Variants in ITIH5 observed in about 807,000 individuals in gnomAD.
ITIH5 encodes the protein inter-alpha-trypsin inhibitor heavy chain H5.
In ITIH5, 65 loss-of-function variants were observed where a neutral mutation model predicts 77.5. The ratio of observed to expected loss-of-function variants is 0.84; its 90% CI spans 0.69 to 1.03. ITIH5 has a LOEUF of 1.03. Ranked by LOEUF, ITIH5 falls within the 50% of genes least tolerant of loss-of-function variation. The probability of loss-of-function intolerance (pLI) is 0.00; values close to 1 mark genes in which losing one functional copy is unlikely to be tolerated. For missense variants in ITIH5, 1,208 were observed against 1,213.1 expected (o/e 1.00, Z 0.06); for synonymous variants, 525 against 494.3 (o/e 1.06, Z -0.82).
chr10:7,587,869 C>A (rs1832714158), intron 7 of ITIH5, among the ~76,000 whole-genome samples: 1 of 152,202 alleles, frequency 6.6e-6, no homozygotes, highest in Admixed American at 6.5e-5. Flanking sequence ...GCCTTTCCTC[C>A]TTCCCCAGGT....
Position 7,642,117 on chromosome 10 carries a change from A to G in ITIH5, c.136-27T>C, listed in dbSNP as rs541490197. 140 of 1,588,622 alleles carry G rather than the reference A, an allele frequency of 8.8e-5. No homozygotes were observed. The South Asian group carries it at 1.5e-3, about 17-fold the overall frequency. ...TGTAGGAATGAAAACACACAGTATC[A>G]TCGGTGATGCATGAAAGCATTTTGG... On this transcript the variant is annotated intron_variant, in intron 2 of 13. Transcript: ENST00000397146.
chr10:7,666,817 G>T lies in ITIH5; in HGVS notation c.76C>A (p.His26Asn). Reference protein sequence around the residue: ...GSQEEAQSWGHSSEQDGLRVP... With the variant: ...GSQEEAQSWGNSSEQDGLRVP... ...GCTCCACTTACCTGCTCCGAAGAGT[G>T]GCCCCAGCTCTGCGCCTCTTCCTGC... is the stretch of plus-strand genomic sequence containing the variant. The change falls in exon 1 of 14, where the codon CAC (histidine) becomes AAC (asparagine). Residue 26 changes from histidine to asparagine, a missense_variant. Coordinates refer to ENST00000397146, the MANE Select transcript of ITIH5 (RefSeq NM_030569.7). The T allele has an allele frequency of 6.2e-7, 1 of 1,607,968 alleles. No homozygotes were observed.
chr10:7,584,457 C>G (rs1031156344), intron 8 of ITIH5, among the ~76,000 whole-genome samples: 1 of 152,050 alleles, frequency 6.6e-6, no homozygotes, highest in African/African-American at 2.4e-5. Context: ...GCACCCGCCA[C>G]CACACCCGGC....
At position 7,627,330 on chromosome 10, in the gene ITIH5, T is replaced by TA. The variant is rs55799504; in HGVS notation, c.652+9897dup. On this transcript the variant is annotated intron_variant, in intron 5 of 13. Coordinates refer to ENST00000397146, the MANE Select transcript of ITIH5 (RefSeq NM_030569.7). ...AAAAAAAGAAAATAAGAAGATAAAGTAAAAAAAAAAAAAAAAAAAATTAAA... is the reference window on the plus strand; with the variant it reads ...AAAAAAAGAAAATAAGAAGATAAAGTAAAAAAAAAAAAAAAAAAAAATTAAA... Among the ~76,000 whole-genome samples the TA allele has an allele frequency of 2.4e-3, 316 of 132,110 alleles. 1 individual carries two copies. Among genetic ancestry groups the TA allele is most frequent in the Middle Eastern group, 0.018 (5 of 272 alleles). 86.7% of individuals were successfully genotyped at this position (132,110 alleles called of 152,430 possible). A position where few individuals can be genotyped will look rare whatever the true frequency, so the allele number is the denominator to read the frequency against.
intron 10 of ITIH5, 44 bp from the exon 11 acceptor site, chr10:7,573,239 A>T (rs763804061): frequency 3.0e-5 from 46 of 1,544,808 alleles, no homozygotes; most frequent in Non-Finnish European, 4.0e-5. Flanking sequence ...TTCCTTAAAG[A>T]AGATGAAGAG....
chr10:7,588,302 T>C (rs996549279), intron 7 of ITIH5, among the ~76,000 whole-genome samples: 4 of 152,100 alleles, frequency 2.6e-5, no homozygotes, highest in African/African-American at 9.7e-5. Context: ...GTAGATCACT[T>C]GAGGTGAGGA....
rs775174445 is a variant in ITIH5 at position 7,576,448 on chromosome 10, C to T, written c.1978+5G>A. 4.2e-5 allele frequency: 66 copies of T among 1,567,820 alleles called. 2 individuals carry two copies. In the Admixed American group the frequency reaches 7.1e-4, roughly 17 times the overall value. On this transcript the variant is annotated splice_donor_5th_base_variant and intron_variant, in intron 10 of 13. Transcript: ENST00000397146. ...CCACACCTGGCTGGCACAGGTGCCT[C>T]GTACCTGGCTGCGTGCCAGCTCCTC...
intron 7 of ITIH5, among the ~76,000 whole-genome samples, chr10:7,599,141 A>G (rs902367282): frequency 1.3e-5 from 2 of 152,226 alleles, no homozygotes; most frequent in African/African-American, 4.8e-5. Context: ...TGATGTGTAA[A>G]TAACTCAGGG....
chr10:7,643,155 T>C (rs1213787194), intron 2 of ITIH5, among the ~76,000 whole-genome samples: 2 of 152,158 alleles, frequency 1.3e-5, no homozygotes, highest in Non-Finnish European at 2.9e-5. Context: ...TGGGCACACA[T>C]TGAGAAGGCA....
intron 1 of ITIH5, among the ~76,000 whole-genome samples, chr10:7,657,678 T>C (rs887268314): frequency 2.0e-5 from 3 of 152,304 alleles, no homozygotes; most frequent in African/African-American, 4.8e-5. Flanking sequence ...GACTTCGAGG[T>C]TGTTCTCCAA....
At chr10:7,581,116 C>T (rs955116162) in intron 8 of ITIH5, among the ~76,000 whole-genome samples, 8 of 152,168 alleles carry the variant, frequency 5.3e-5, no homozygotes, top group South Asian at 2.1e-4. Flanking sequence ...AAAAATTAGC[C>T]GGGCATGGTG....
chr10:7,603,800 G>A (rs984800859), intron 7 of ITIH5, among the ~76,000 whole-genome samples: 3 of 152,090 alleles, frequency 2.0e-5, no homozygotes, highest in African/African-American at 7.2e-5. Context: ...AGCCAGGATG[G>A]TCCCGATCTC....
At chr10:7,608,257 C>A (rs1833171566) in intron 7 of ITIH5, among the ~76,000 whole-genome samples, 1 of 152,160 alleles carries the variant, frequency 6.6e-6, no homozygotes, top group African/African-American at 2.4e-5. Flanking sequence ...AATCTGACTG[C>A]CTTCTTTGAT....
chr10:7,653,229 C>A (rs1055252828), intron 2 of ITIH5, among the ~76,000 whole-genome samples: 1 of 152,138 alleles, frequency 6.6e-6, no homozygotes, highest in Non-Finnish European at 1.5e-5. Flanking sequence ...GTTTTTGAGA[C>A]AGAGTCTTGC....
intron 2 of ITIH5, among the ~76,000 whole-genome samples, chr10:7,643,037 G>A (rs1396923369): frequency 1.3e-5 from 2 of 152,194 alleles, no homozygotes; most frequent in Non-Finnish European, 2.9e-5. Flanking sequence ...TGATTTAGAT[G>A]AGGTAATGAA....
intron 7 of ITIH5, among the ~76,000 whole-genome samples, chr10:7,608,922 G>T (rs1335946286): frequency 6.7e-6 from 1 of 149,532 alleles, no homozygotes; most frequent in East Asian, 1.9e-4. Context: ...GGTGACATCT[G>T]TGTGCACTCA....
chr10:7,609,360 A>G lies in ITIH5; in HGVS notation c.939+6622T>C, dbSNP rs192739990. The G allele has an allele frequency of 1.5e-4, 68 of 442,504 alleles. No homozygotes were observed. In the East Asian group the frequency reaches 3.7e-3, roughly 24 times the overall value. 27.4% of individuals were successfully genotyped at this position (442,504 alleles called of 1,614,324 possible). A position where few individuals can be genotyped will look rare whatever the true frequency, so the allele number is the denominator to read the frequency against. On this transcript the variant is annotated intron_variant, in intron 7 of 13. Transcript: ENST00000397146. ...ACTGTCTGTGAAGAGTTGGGAATGC[A>G]TATTGTAATGATCAAACACAAGATG...
At chr10:7,631,679 C>G (rs1394487850) in intron 5 of ITIH5, among the ~76,000 whole-genome samples, 2 of 152,008 alleles carry the variant, frequency 1.3e-5, no homozygotes, top group African/African-American at 2.4e-5. Flanking sequence ...TGGCCTGTAT[C>G]TGAGAGTGAA....
chr10:7,646,363 C>T (rs1834010271), intron 2 of ITIH5, among the ~76,000 whole-genome samples: 1 of 152,222 alleles, frequency 6.6e-6, no homozygotes, highest in Non-Finnish European at 1.5e-5. Flanking sequence ...CTCCCTCCCA[C>T]CCTGGATTCA....
Sources: allele counts gnomAD v4.1 joint callset (sites outside exome capture counted in the v4.1 genomes callset), GRCh38; gene constraint gnomAD v4.1.1; transcripts MANE v1.5; gene names NCBI Gene and HGNC (gene_info 2026-07-23, HGNC 2026-07-21).